Variants in DPEP1 observed in about 807,000 individuals in gnomAD.
The protein encoded by DPEP1 is dipeptidase 1.
Under a neutral mutation model 42.3 loss-of-function variants are expected in DPEP1, and 50 were observed. The ratio of observed to expected loss-of-function variants is 1.18; its 90% CI spans 0.94 to 1.50. The LOEUF (loss-of-function observed/expected upper bound fraction) is 1.50. Among genes scored for constraint, DPEP1 ranks in the 40% most tolerant of loss-of-function variants. The pLI is 0.00. For synonymous variants in DPEP1, 297 were observed against 234.0 expected, an observed-to-expected ratio of 1.27 and a Z score of -2.46; for missense variants, 663 against 553.0, an observed-to-expected ratio of 1.20 and a Z score of -1.99.
chr16:89,636,656 C>T lies in DPEP1; in HGVS notation c.494C>T (p.Thr165Ile). 1 of 1,612,568 alleles carries T rather than the reference C, an allele frequency of 6.2e-7. No homozygotes were observed. Among genetic ancestry groups the T allele is most frequent in the South Asian group, 1.1e-5 (1 of 91,084 alleles). Residue 165 changes from threonine to isoleucine, a missense_variant, in exon 5 of 11, where the codon ACC becomes ATC. Transcript: ENST00000690203. ...TATCAGCTGGGCATGCGGTACCTGA[C>T]CCTCACCCACAGCTGCAACACGCCC... ...ALYQLGMRYLTLTHSCNTPWA... is the reference protein window; with the variant it reads ...ALYQLGMRYLILTHSCNTPWA...
At chr16:89,615,942 A>G (rs409170) in intron 1 of DPEP1, among the ~76,000 whole-genome samples, 88,650 of 151,870 alleles carry the variant, frequency 0.58, 26,276 homozygotes, top group Middle Eastern at 0.69. Context: ...CCAAAGGCGC[A>G]GGGCTCAGGC....
In DPEP1 at chr16:89,636,406, T is replaced by A; in HGVS notation, c.370+10T>A. The A allele has an allele frequency of 3.7e-6, 6 of 1,608,876 alleles. No individual in the cohort carries two copies. Among genetic ancestry groups the A allele is most frequent in the Non-Finnish European group, 5.1e-6 (6 of 1,177,582 alleles). On this transcript the variant is annotated intron_variant, in intron 4 of 10. Coordinates refer to ENST00000690203, the MANE Select transcript of DPEP1 (RefSeq NM_001389466.1). ...GTCACCAGCAGTGCAGGTGGGGTCC[T>A]GACCTGGGTCCTCCAGGTCCTGCGT...
rs2059569255 is a variant in DPEP1 at position 89,630,431 on chromosome 16, G to A, written c.21G>A (p.Leu7=). The change falls in exon 2 of 11, where the codon CTG becomes CTA. Residue 7 remains leucine (L), a synonymous_variant. Transcript: ENST00000690203. ...CCACCATGTGGAGCGGATGGTGGCT[G>A]TGGCCCCTTGTGGCCGTCTGCACTG... MWSGWW[L]WPLVAVCTAD... The A allele has an allele frequency of 2.5e-6, 4 of 1,611,346 alleles. No individual in the cohort carries two copies. The highest frequency in any genetic ancestry group is 1.1e-5 in the South Asian group (1 of 90,848).
intron 7 of DPEP1, 39 bp downstream of exon 7, chr16:89,637,419 G>A (rs2059696703): frequency 1.2e-6 from 2 of 1,612,670 alleles, no homozygotes; most frequent in South Asian, 1.1e-5. Flanking sequence ...CGCCTCCCTG[G>A]GCAGGCCCTC....
chr16:89,617,462 C>A (rs1437152798), intron 1 of DPEP1, among the ~76,000 whole-genome samples: 3 of 152,212 alleles, frequency 2.0e-5, no homozygotes, highest in African/African-American at 7.2e-5. Context: ...GTGGAAGCAT[C>A]CACGCCAGGA....
At chr16:89,637,134 GTCC>G (rs1417938620) in intron 6 of DPEP1, 67 bp from the exon 7 acceptor site, 5 of 1,565,882 alleles carry the variant, frequency 3.2e-6, no homozygotes, top group Non-Finnish European at 4.3e-6. Flanking sequence ...CTCACATCTG[GTCC>G]AGCCCGTCCA....
chr16:89,617,751 CAG>C, intron 1 of DPEP1, among the ~76,000 whole-genome samples: 1 of 151,970 alleles, frequency 6.6e-6, no homozygotes, highest in South Asian at 2.1e-4. Context: ...AGGCCGGGCG[CAG>C]TGGCTCACAC....
intron 1 of DPEP1, among the ~76,000 whole-genome samples, chr16:89,626,033 G>C (rs1274529611): frequency 6.6e-6 from 1 of 152,164 alleles, no homozygotes; most frequent in African/African-American, 2.4e-5. Flanking sequence ...TTCGGCCCCG[G>C]TCTGGTGCTC....
chr16:89,615,497 G>C (rs930975934), intron 1 of DPEP1, among the ~76,000 whole-genome samples: 1 of 152,246 alleles, frequency 6.6e-6, no homozygotes, highest in Non-Finnish European at 1.5e-5. Flanking sequence ...GGAGACAGGG[G>C]TAACAGCAGC....
Position 89,637,281 on chromosome 16 carries a change from C to CCT in DPEP1, c.670_671dup (p.Gln225CysfsTer30). The CCT allele has an allele frequency of 6.2e-7, 1 of 1,612,720 alleles. No homozygotes were observed. Among genetic ancestry groups the CCT allele is most frequent in the Non-Finnish European group, 8.5e-7 (1 of 1,179,972 alleles). On this transcript the variant is annotated frameshift_variant, in exon 7 of 11. Transcript: ENST00000690203. LOFTEE classifies it high-confidence loss of function. ...TGTCTGTGGCCACCATGAAGGCCACCCTGCAGCTGTCCAGAGCCCCGGTCA... is the reference window on the plus strand; with the variant it reads ...TGTCTGTGGCCACCATGAAGGCCACCCTCTGCAGCTGTCCAGAGCCCCGGTCA...
rs113985749 is a variant in DPEP1 at position 89,624,691 on chromosome 16, C to T, written c.-106-5614C>T. ...CTGGGATGACAGGCGCCCGCAACCA[C>T]GCCCGGCTAATTTTTGTGTTTTTAG... On this transcript the variant is annotated intron_variant, in intron 1 of 10. Coordinates refer to ENST00000690203, the MANE Select transcript of DPEP1 (RefSeq NM_001389466.1). Among the ~76,000 whole-genome samples the T allele has an allele frequency of 2.8e-3, 423 of 152,188 alleles. 2 individuals carry two copies. The highest frequency in any genetic ancestry group is 9.9e-3 in the African/African-American group (410 of 41,524).
At chr16:89,626,891 G>C (rs2059520377) in intron 1 of DPEP1, among the ~76,000 whole-genome samples, 1 of 151,998 alleles carries the variant, frequency 6.6e-6, no homozygotes, top group Non-Finnish European at 1.5e-5. Context: ...GCCGAGGCGG[G>C]TGGATCACTT....
At chr16:89,633,298 G>C (rs937922688) in intron 2 of DPEP1, among the ~76,000 whole-genome samples, 2 of 152,244 alleles carry the variant, frequency 1.3e-5, no homozygotes, top group Admixed American at 6.5e-5. Context: ...TGTGGCCAGG[G>C]ACAACCTCGC....
upstream of DPEP1, chr16:89,613,508 C>G (rs1217544270): frequency 6.6e-6 from 1 of 152,468 alleles, no homozygotes; most frequent in African/African-American, 2.4e-5. Context: ...CCCTTTCTCT[C>G]CAACCTTCCC....
chr16:89,617,010 C>T, intron 1 of DPEP1: 1 of 203,326 alleles, frequency 4.9e-6, no homozygotes. Context: ...AGGTCCTGGG[C>T]AGGCCCTGGA....
downstream of DPEP1, among the ~76,000 whole-genome samples, chr16:89,641,236 G>A (rs114742156): frequency 6.6e-6 from 1 of 151,848 alleles, no homozygotes; most frequent in African/African-American, 2.4e-5. Flanking sequence ...GGGGTTGACT[G>A]ATGTCAGATC....
chr16:89,618,640 C>A (rs945716161), intron 1 of DPEP1, among the ~76,000 whole-genome samples: 1 of 152,106 alleles, frequency 6.6e-6, no homozygotes, highest in African/African-American at 2.4e-5. Flanking sequence ...GTAACTGTGA[C>A]TGCAGGCACA....
At chr16:89,634,643 C>G (rs2059639519) in intron 2 of DPEP1, among the ~76,000 whole-genome samples, 1 of 81,892 alleles carries the variant, frequency 1.2e-5, no homozygotes, top group Non-Finnish European at 2.5e-5. Flanking sequence ...CCTTCCCTTT[C>G]CCTTCCTTCC....
At chr16:89,621,899 G>T (rs2059451168) in intron 1 of DPEP1, among the ~76,000 whole-genome samples, 1 of 152,198 alleles carries the variant, frequency 6.6e-6, no homozygotes, top group East Asian at 1.9e-4. Context: ...CGCATTGCCT[G>T]TGGCTGCCTG....
Sources: allele counts gnomAD v4.1 joint callset (sites outside exome capture counted in the v4.1 genomes callset), GRCh38; gene constraint gnomAD v4.1.1; transcripts MANE v1.5; gene names NCBI Gene and HGNC (gene_info 2026-07-23, HGNC 2026-07-21).